Variants in ARHGAP24 observed in about 807,000 individuals in gnomAD.
ARHGAP24 encodes rho GTPase-activating protein 24.
A neutral mutation model predicts 76.4 loss-of-function variants in ARHGAP24; 50 were observed. The observed-to-expected ratio is 0.65, with a 90% confidence interval of 0.52 to 0.83. The LOEUF (loss-of-function observed/expected upper bound fraction) is 0.83. Among genes scored for constraint, ARHGAP24 ranks in the 40% least tolerant of loss-of-function variants. The pLI is 0.00. For synonymous variants in ARHGAP24, 345 were observed against 323.3 expected (o/e 1.07, Z -0.72); for missense variants, 930 against 914.2 (o/e 1.02, Z -0.22).
chr4:85,599,724 A>G (rs895227201), intron 2 of ARHGAP24, among the ~76,000 whole-genome samples: 10 of 152,174 alleles, frequency 6.6e-5, no homozygotes, highest in African/African-American at 2.4e-4. Context: ...ATTTAAGTAT[A>G]AGTGAAAGTG....
chr4:85,777,762 A>G (rs1727360848), intron 3 of ARHGAP24, among the ~76,000 whole-genome samples: 1 of 126,632 alleles, frequency 7.9e-6, no homozygotes. Flanking sequence ...AATGTTCGAT[A>G]AATATTTGTT....
rs181432695 is a variant in ARHGAP24, at chr4:85,481,943, C to T, written c.-21+6384C>T. Among the ~76,000 whole-genome samples the T allele has an allele frequency of 8.9e-4, 136 of 152,224 alleles. 1 individual carries two copies. The highest frequency in any genetic ancestry group is 2.9e-3 in the Admixed American group (44 of 15,296). On this transcript the variant is annotated intron_variant, in intron 1 of 9. Coordinates refer to ENST00000395184, the MANE Select transcript of ARHGAP24 (RefSeq NM_001025616.3). Reference sequence around the variant, plus strand: ...AAAGCCAGTCTTTCTCAGAGAAGGGCAATTATTAGAGGAATTATGGGAGTG... The same window carrying T: ...AAAGCCAGTCTTTCTCAGAGAAGGGTAATTATTAGAGGAATTATGGGAGTG...
intron 2 of ARHGAP24, among the ~76,000 whole-genome samples, chr4:85,695,320 C>G (rs1214660186): frequency 1.3e-5 from 2 of 152,128 alleles, no homozygotes; most frequent in Non-Finnish European, 2.9e-5. Flanking sequence ...GGCATGTGCC[C>G]AATAAAGACA....
intron 2 of ARHGAP24, among the ~76,000 whole-genome samples, chr4:85,608,806 C>T (rs1025714825): frequency 3.3e-5 from 5 of 152,024 alleles, no homozygotes; most frequent in Non-Finnish European, 7.4e-5. Context: ...GCAATCTGCA[C>T]GCCTCAGCCT....
chr4:85,564,591 C>T (rs560903953), intron 1 of ARHGAP24, among the ~76,000 whole-genome samples: 143 of 151,190 alleles, frequency 9.5e-4, no homozygotes, highest in African/African-American at 3.2e-3. Context: ...AGCAGTGGTC[C>T]GCAACCTTTT....
At position 85,942,155 on chromosome 4, in the gene ARHGAP24, G is replaced by A. The variant is rs1388808126; in HGVS notation, c.481G>A (p.Asp161Asn). ...LAPMLVEQCV[D>N]FIRQRGLKEE... ...TCCGATGTTGGTGGAGCAGTGCGTG[G>A]ACTTTATCCGACAAAGGGGGCTGAA... is the stretch of plus-strand genomic sequence containing the variant. Residue 161 changes from aspartate (D) to asparagine (N), a missense_variant, in exon 5 of 10, where the codon GAC (aspartate) becomes AAC (asparagine). Physicochemically the swap from Asp to Asn is conservative, Grantham distance 23 (BLOSUM62 1). Transcript: ENST00000395184. 1.2e-6 allele frequency: 2 copies of A among 1,613,990 alleles called. No individual in the cohort carries two copies. Among genetic ancestry groups the A allele is most frequent in the Admixed American group, 1.7e-5 (1 of 59,996 alleles).
intron 4 of ARHGAP24, among the ~76,000 whole-genome samples, chr4:85,940,369 G>C (rs942003012): frequency 6.6e-6 from 1 of 151,888 alleles, no homozygotes; most frequent in Non-Finnish European, 1.5e-5. Flanking sequence ...ACAAGAGCCA[G>C]TATCATGCCC....
At chr4:85,506,400 C>T (rs1365164506) in intron 1 of ARHGAP24, among the ~76,000 whole-genome samples, 1 of 152,186 alleles carries the variant, frequency 6.6e-6, no homozygotes, top group Non-Finnish European at 1.5e-5. Context: ...TGGGCTCTGC[C>T]CAGTTTGAGC....
In ARHGAP24 at chr4:86,001,461, G is replaced by C. The variant is rs190891840; in HGVS notation, c.*739G>C. The C allele has an allele frequency of 2.5e-6, 1 of 398,588 alleles. No individual in the cohort carries two copies. The highest frequency in any genetic ancestry group is 4.4e-6 in the Non-Finnish European group (1 of 226,060). The allele number at this position is 398,588 out of a possible 1,614,324, so 24.7% of individuals were successfully genotyped here. ...CCTTGCCAGATCCTCAGTGCGTATC[G>C]CCAATGCAGGATGCTCCTTAGAAAA... On this transcript the variant is annotated 3_prime_UTR_variant, in exon 10 of 10. Coordinates refer to ENST00000395184, the MANE Select transcript of ARHGAP24 (RefSeq NM_001025616.3).
chr4:85,588,590 A>G (rs1695873566), intron 2 of ARHGAP24, among the ~76,000 whole-genome samples: 1 of 152,216 alleles, frequency 6.6e-6, no homozygotes, highest in Non-Finnish European at 1.5e-5. Flanking sequence ...ATTAATGTCT[A>G]TGGACTGAAG....
chr4:85,615,098 A>G (rs1720504361), intron 2 of ARHGAP24, among the ~76,000 whole-genome samples: 1 of 152,090 alleles, frequency 6.6e-6, no homozygotes, highest in Non-Finnish European at 1.5e-5. Context: ...ATTTCATTTT[A>G]AAAGGGTGTG....
At chr4:85,667,107 C>T (rs1722654822) in intron 2 of ARHGAP24, among the ~76,000 whole-genome samples, 1 of 152,196 alleles carries the variant, frequency 6.6e-6, no homozygotes, top group Non-Finnish European at 1.5e-5. Context: ...AGAGGTGGAG[C>T]CTACAGAGGC....
At chr4:85,565,388 T>G (rs1399732448) in intron 1 of ARHGAP24, among the ~76,000 whole-genome samples, 1 of 152,128 alleles carries the variant, frequency 6.6e-6, no homozygotes, top group Non-Finnish European at 1.5e-5. Context: ...TTACCAACAT[T>G]GCCAGTTTTG....
intron 3 of ARHGAP24, among the ~76,000 whole-genome samples, chr4:85,888,054 A>C (rs1294246234): frequency 6.6e-6 from 1 of 152,070 alleles, no homozygotes; most frequent in Non-Finnish European, 1.5e-5. Context: ...TCAGAAATTC[A>C]AATGAGGCCT....
intron 3 of ARHGAP24, among the ~76,000 whole-genome samples, chr4:85,890,488 CAT>C (rs1374717244): frequency 1.3e-5 from 2 of 152,166 alleles, no homozygotes; most frequent in Non-Finnish European, 2.9e-5. Context: ...CGTGAACAAA[CAT>C]AACCACAGAG....
rs536911580 is a variant in ARHGAP24, at chr4:85,931,319, G to T, written c.391+7549G>T. On this transcript the variant is annotated intron_variant, in intron 4 of 9. Coordinates refer to ENST00000395184, the MANE Select transcript of ARHGAP24 (RefSeq NM_001025616.3). ...ACTGACAGGGGACTAAGTAAGCTGG[G>T]CTGACCGTCCTCAGAGGAGGGGCCA... Among the ~76,000 whole-genome samples the T allele has an allele frequency of 1.4e-3, 215 of 152,198 alleles. 2 individuals are homozygous for T. Among genetic ancestry groups the T allele is most frequent in the Non-Finnish European group, 2.6e-3 (175 of 68,010 alleles).
chr4:85,505,976 G>T (rs1232976400), intron 1 of ARHGAP24, among the ~76,000 whole-genome samples: 1 of 152,054 alleles, frequency 6.6e-6, no homozygotes, highest in East Asian at 1.9e-4. Context: ...CTAGCAGTCA[G>T]GTCCCTCAGC....
rs75699490 is a variant in ARHGAP24 at position 85,641,825 on chromosome 4, C to T, written c.180+71104C>T. Among the ~76,000 whole-genome samples the T allele has an allele frequency of 2.6e-5, 4 of 152,288 alleles. No individual in the cohort carries two copies. The East Asian group carries it at 5.8e-4, about 22-fold the overall frequency. ...TCCACACCCTTCCTGGCACACTCCACCCTCCAGGAGCCTCCATGTGTTCAG... is the reference window on the plus strand; with the variant it reads ...TCCACACCCTTCCTGGCACACTCCATCCTCCAGGAGCCTCCATGTGTTCAG... On this transcript the variant is annotated intron_variant, in intron 2 of 9. Transcript: ENST00000395184.
At chr4:85,983,566 A>G (rs1254714954) in intron 8 of ARHGAP24, among the ~76,000 whole-genome samples, 1 of 152,238 alleles carries the variant, frequency 6.6e-6, no homozygotes, top group Non-Finnish European at 1.5e-5. Flanking sequence ...ACATGAACAG[A>G]CGCTTCTCAA....
Sources: allele counts gnomAD v4.1 joint callset (sites outside exome capture counted in the v4.1 genomes callset), GRCh38; gene constraint gnomAD v4.1.1; transcripts MANE v1.5; gene names NCBI Gene and HGNC (gene_info 2026-07-23, HGNC 2026-07-21).